Variants in MCC observed in about 807,000 individuals in gnomAD.
The protein encoded by MCC is colorectal mutant cancer protein.
A neutral mutation model predicts 116.2 loss-of-function variants in MCC; 90 were observed. The ratio of observed to expected loss-of-function variants is 0.77; its 90% CI spans 0.65 to 0.92. MCC has a LOEUF of 0.92. Ranked by LOEUF, MCC falls within the 40% of genes least tolerant of loss-of-function variation. MCC has a pLI of 0.00. For synonymous variants in MCC, 578 were observed against 510.5 expected (o/e 1.13, Z -1.78); for missense variants, 1,516 against 1,312.2 (o/e 1.16, Z -2.40).
At chr5:113,483,471 T>C (rs1355472458) in intron 1 of MCC, among the ~76,000 whole-genome samples, 2 of 152,214 alleles carry the variant, frequency 1.3e-5, no homozygotes, top group Admixed American at 1.3e-4. Context: ...GATATATCAC[T>C]GGGAAAATAG....
intron 2 of MCC, among the ~76,000 whole-genome samples, chr5:113,371,215 C>T (rs1324017741): frequency 1.3e-5 from 2 of 152,152 alleles, no homozygotes; most frequent in South Asian, 2.1e-4. Context: ...ACTAAGACTC[C>T]GTCTCAAAAA....
intron 4 of MCC, among the ~76,000 whole-genome samples, chr5:113,146,256 T>A (rs1376860893): frequency 8.9e-4 from 1 of 1,126 alleles, no homozygotes; most frequent in African/African-American, 1.2e-3. Flanking sequence ...TGGTCACAGC[T>A]TCCAGTGGAC....
At chr5:113,226,386 G>C (rs951057992) in intron 3 of MCC, among the ~76,000 whole-genome samples, 1 of 152,224 alleles carries the variant, frequency 6.6e-6, no homozygotes, top group Admixed American at 6.5e-5. Context: ...TCAGATTTTA[G>C]TTTGCAGTCA....
At chr5:113,202,742 T>C (rs1762737578) in intron 3 of MCC, among the ~76,000 whole-genome samples, 1 of 150,130 alleles carries the variant, frequency 6.7e-6, no homozygotes, top group African/African-American at 2.5e-5. Context: ...ATATACCTTC[T>C]ACTTTCCCCT....
intron 2 of MCC, among the ~76,000 whole-genome samples, chr5:113,369,021 C>T (rs530778129): frequency 6.6e-6 from 1 of 152,192 alleles, no homozygotes; most frequent in Non-Finnish European, 1.5e-5. Flanking sequence ...GTAAGGGAAA[C>T]AGATGAAGAG....
At chr5:113,041,929 C>T (rs1402975616) in intron 17 of MCC, among the ~76,000 whole-genome samples, 5 of 151,788 alleles carry the variant, frequency 3.3e-5, no homozygotes, top group Non-Finnish European at 5.9e-5. Context: ...CCTGGGAGAC[C>T]GAGATTGCAG....
At chr5:113,384,232 A>T (rs1406457582) in intron 2 of MCC, among the ~76,000 whole-genome samples, 2 of 152,220 alleles carry the variant, frequency 1.3e-5, no homozygotes, top group Non-Finnish European at 2.9e-5. Flanking sequence ...CACCAGTAAG[A>T]AATATAAACT....
intron 1 of MCC, among the ~76,000 whole-genome samples, chr5:113,474,040 T>C (rs970585180): frequency 5.3e-5 from 8 of 152,248 alleles, no homozygotes; most frequent in African/African-American, 1.9e-4. Flanking sequence ...ACTGATCTTT[T>C]AGATTAGGTA....
intron 3 of MCC, among the ~76,000 whole-genome samples, chr5:113,256,607 G>C (rs1233104645): frequency 1.7e-5 from 2 of 120,820 alleles, no homozygotes; most frequent in Non-Finnish European, 3.2e-5. Flanking sequence ...ATATTAGGTA[G>C]ACAGCTGTAG....
At chr5:113,163,642 G>T (rs1477396789) in intron 3 of MCC, among the ~76,000 whole-genome samples, 1 of 152,140 alleles carries the variant, frequency 6.6e-6, no homozygotes, top group Non-Finnish European at 1.5e-5. Flanking sequence ...AAGAAGAACT[G>T]TACCTGGCAC....
At chr5:113,215,349 G>T (rs1310315354) in intron 3 of MCC, among the ~76,000 whole-genome samples, 2 of 152,198 alleles carry the variant, frequency 1.3e-5, no homozygotes, top group Non-Finnish European at 1.5e-5. Flanking sequence ...TTGAAAAAAG[G>T]ATCTCAAGTA....
At chr5:113,195,846 C>G (rs1029541447) in intron 3 of MCC, among the ~76,000 whole-genome samples, 1 of 152,142 alleles carries the variant, frequency 6.6e-6, no homozygotes, top group Non-Finnish European at 1.5e-5. Context: ...TTCAGGGTCT[C>G]TCATCTGGCG....
intron 1 of MCC, among the ~76,000 whole-genome samples, chr5:113,461,741 C>A (rs1771748868): frequency 2.2e-5 from 2 of 88,944 alleles, no homozygotes. Flanking sequence ...CAACTTGCAC[C>A]AGTAAAAAAA....
chr5:113,155,507 G>A (rs1760125294), intron 3 of MCC, among the ~76,000 whole-genome samples: 1 of 152,170 alleles, frequency 6.6e-6, no homozygotes, highest in African/African-American at 2.4e-5. Flanking sequence ...CACCAACAGT[G>A]TATAAGAGTG....
intron 1 of MCC, among the ~76,000 whole-genome samples, chr5:113,484,291 T>C (rs1366120509): frequency 3.9e-5 from 6 of 152,130 alleles, no homozygotes; most frequent in African/African-American, 1.4e-4. Context: ...AAGTTAAAAA[T>C]ATACATATTT....
chr5:113,453,598 T>C (rs562773415), intron 1 of MCC, among the ~76,000 whole-genome samples: 1 of 152,200 alleles, frequency 6.6e-6, no homozygotes, highest in Non-Finnish European at 1.5e-5. Context: ...TGTGAAGGCA[T>C]GCCTGCTTTC....
intron 11 of MCC, among the ~76,000 whole-genome samples, chr5:113,078,745 G>C (rs368761132): frequency 3.3e-3 from 499 of 152,280 alleles, no homozygotes; most frequent in Middle Eastern, 0.014. Flanking sequence ...TTGAAAACTG[G>C]CACAAGACAG....
intron 1 of MCC, among the ~76,000 whole-genome samples, chr5:113,404,427 G>A (rs1364749432): frequency 6.6e-6 from 1 of 152,168 alleles, no homozygotes; most frequent in Non-Finnish European, 1.5e-5. Flanking sequence ...AGTCACCAAT[G>A]TAACACTGTG....
At chr5:113,124,114 A>G (rs1757897371) in intron 5 of MCC, among the ~76,000 whole-genome samples, 1 of 152,278 alleles carries the variant, frequency 6.6e-6, no homozygotes, top group East Asian at 1.9e-4. Context: ...AAACCTACCC[A>G]GAAAACTGGG....
Sources: gnomAD v4.1 joint callset for allele counts (sites outside exome capture counted in the v4.1 genomes callset) on GRCh38, gnomAD v4.1.1 for gene constraint, MANE v1.5 for transcripts, NCBI Gene and HGNC (gene_info 2026-07-23, HGNC 2026-07-21) for gene names.